The following KPNA6 variants were observed in gnomAD, a reference collection of about 807,000 sequenced individuals.
KPNA6 encodes karyopherin subunit alpha 6.
Under a neutral mutation model 72.0 loss-of-function variants are expected in KPNA6, and 9 were observed. The ratio of observed to expected loss-of-function variants is 0.13; its 90% CI spans 0.08 to 0.22. KPNA6 has a LOEUF of 0.22. Among genes scored for constraint, KPNA6 ranks in the 10% least tolerant of loss-of-function variants. KPNA6 has a pLI of 1.00. For synonymous variants in KPNA6, 219 were observed against 242.1 expected (o/e 0.90, Z 0.89); for missense variants, 374 against 655.7 (o/e 0.57, Z 4.69).
At chr1:32,137,209 C>T (rs1425202298) in intron 1 of KPNA6, among the ~76,000 whole-genome samples, 1 of 152,078 alleles carries the variant, frequency 6.6e-6, no homozygotes, top group Non-Finnish European at 1.5e-5. Context: ...AAGGGTCTTG[C>T]TCTGTCACCC....
chr1:32,167,126 A>G (rs1642354240), intron 11 of KPNA6, 43 bp from the exon 12 acceptor site: 5 of 1,603,788 alleles, frequency 3.1e-6, no homozygotes, highest in Non-Finnish European at 4.3e-6. Flanking sequence ...TCATGCTGAA[A>G]TGACTTTCTC....
At chr1:32,146,882 CAG>C (rs1031681012) in intron 1 of KPNA6, among the ~76,000 whole-genome samples, 1 of 151,260 alleles carries the variant, frequency 6.6e-6, no homozygotes, top group African/African-American at 2.4e-5. Context: ...TTTTTTTTGA[CAG>C]AGTCTTGCTT....
chr1:32,150,743 C>T (rs1387690464), intron 1 of KPNA6, among the ~76,000 whole-genome samples: 1 of 152,142 alleles, frequency 6.6e-6, no homozygotes, highest in Non-Finnish European at 1.5e-5. Flanking sequence ...TCTCCTGCCT[C>T]AGCCTCCCGA....
At chr1:32,169,246 C>T (rs1305946654) in intron 12 of KPNA6, among the ~76,000 whole-genome samples, 1 of 151,652 alleles carries the variant, frequency 6.6e-6, no homozygotes, top group Non-Finnish European at 1.5e-5. Flanking sequence ...TGGCACACAC[C>T]TGTAGTCCCA....
rs1642279052 is a variant in KPNA6, at chr1:32,163,488, GT to G, written c.990+176del. Among the ~76,000 whole-genome samples the G allele has an allele frequency of 2.0e-5, 3 of 152,236 alleles. No homozygotes were observed. The South Asian group carries it at 6.2e-4, about 32-fold the overall frequency. On this transcript the variant is annotated intron_variant, in intron 10 of 13. Transcript: ENST00000373625. ...TTCCAGCTCTGTTATTCTCTAAACA[GT>G]CATGGGAAACTTGGTTCCTTCTTTT...
At chr1:32,115,979 G>A (rs1258928519) in intron 1 of KPNA6, among the ~76,000 whole-genome samples, 1 of 151,814 alleles carries the variant, frequency 6.6e-6, no homozygotes, top group African/African-American at 2.4e-5. Flanking sequence ...CCTGACCTCA[G>A]GTGATCCACC....
chr1:32,138,412 A>AGG (rs1316260296), intron 1 of KPNA6, among the ~76,000 whole-genome samples: 35 of 151,258 alleles, frequency 2.3e-4, no homozygotes, highest in Non-Finnish European at 4.3e-4. Flanking sequence ...GCGTGGTGGC[A>AGG]CATGCCTGTA....
At chr1:32,134,908 T>TC (rs1454439766) in intron 1 of KPNA6, among the ~76,000 whole-genome samples, 1 of 149,118 alleles carries the variant, frequency 6.7e-6, no homozygotes, top group African/African-American at 2.4e-5. Context: ...TTTTTTTACT[T>TC]TTTTTTTTTT....
intron 1 of KPNA6, among the ~76,000 whole-genome samples, chr1:32,111,454 C>T (rs1641242528): frequency 6.6e-6 from 1 of 152,198 alleles, no homozygotes; most frequent in African/African-American, 2.4e-5. Flanking sequence ...CTCTTTCCAG[C>T]TCCATCTCAG....
chr1:32,117,374 A>G (rs1393229791), intron 1 of KPNA6, among the ~76,000 whole-genome samples: 1 of 151,854 alleles, frequency 6.6e-6, no homozygotes, highest in Non-Finnish European at 1.5e-5. Flanking sequence ...GGGTTTTACC[A>G]TCTTGGCCAG....
chr1:32,160,506 C>T, intron 6 of KPNA6, 109 bp from the exon 7 acceptor site: 1 of 786,622 alleles, frequency 1.3e-6, no homozygotes, highest in South Asian at 1.4e-5. Context: ...ATATTTGGGG[C>T]CTTGACATCA....
At chr1:32,124,576 G>T (rs998735481) in intron 1 of KPNA6, among the ~76,000 whole-genome samples, 2 of 149,984 alleles carry the variant, frequency 1.3e-5, no homozygotes, top group Non-Finnish European at 3.0e-5. Context: ...GCACGATCTC[G>T]GCTCACTGCA....
intron 8 of KPNA6, 141 bp from the exon 9 acceptor site, chr1:32,162,220 G>A (rs1426043758): frequency 1.1e-6 from 1 of 946,354 alleles, no homozygotes; most frequent in African/African-American, 1.6e-5. Flanking sequence ...AGACCCAAAT[G>A]TTTAATGTAG....
chr1:32,148,673 T>TC (rs1384015860), intron 1 of KPNA6, among the ~76,000 whole-genome samples: 3 of 149,174 alleles, frequency 2.0e-5, no homozygotes, highest in African/African-American at 7.4e-5. Context: ...TTCTCCTGCC[T>TC]CACCTCCTGA....
chr1:32,148,252 G>A (rs574998968), intron 1 of KPNA6, among the ~76,000 whole-genome samples: 37 of 151,994 alleles, frequency 2.4e-4, no homozygotes, highest in East Asian at 7.8e-4. Context: ...TTACAAGTGC[G>A]TTCCACCATG....
chr1:32,123,263 G>A (rs1186264824), intron 1 of KPNA6, among the ~76,000 whole-genome samples: 1 of 152,054 alleles, frequency 6.6e-6, no homozygotes, highest in East Asian at 1.9e-4. Context: ...CGGGCGTGGT[G>A]TTTCTCAACT....
intron 1 of KPNA6, 110 bp downstream of exon 1, chr1:32,108,244 C>T (rs1002327854): frequency 4.7e-5 from 70 of 1,503,104 alleles, no homozygotes; most frequent in Non-Finnish European, 6.0e-5. Flanking sequence ...TCCCCTCTAG[C>T]TAGGTCTGAG....
chr1:32,121,672 T>A (rs1421819755), intron 1 of KPNA6, among the ~76,000 whole-genome samples: 3 of 152,052 alleles, frequency 2.0e-5, no homozygotes, highest in African/African-American at 7.2e-5. Context: ...GCTTGGTGTC[T>A]TAAAAGCCAA....
chr1:32,120,961 T>C (rs1641423545), intron 1 of KPNA6, among the ~76,000 whole-genome samples: 1 of 151,300 alleles, frequency 6.6e-6, no homozygotes, highest in East Asian at 2.0e-4. Flanking sequence ...CTTTATCTCC[T>C]GAGTTCAAGC....
Sources: allele counts gnomAD v4.1 joint callset (sites outside exome capture counted in the v4.1 genomes callset), GRCh38; gene constraint gnomAD v4.1.1; transcripts MANE v1.5; gene names NCBI Gene and HGNC (gene_info 2026-07-23, HGNC 2026-07-21).